The following CSMD2 variants were observed in gnomAD, a reference collection of about 807,000 sequenced individuals.
The protein encoded by CSMD2 is CUB and sushi domain-containing protein 2.
In CSMD2, 130 loss-of-function variants were observed where a neutral mutation model predicts 398.5. The observed-to-expected ratio is 0.33, with a 90% CI of 0.28 to 0.38. The LOEUF (loss-of-function observed/expected upper bound fraction) is 0.38. Among genes scored for constraint, CSMD2 ranks in the 10% least tolerant of loss-of-function variants. The pLI, the probability that CSMD2 is intolerant of heterozygous loss-of-function variation, is 1.00. For missense variants in CSMD2, 3,829 were observed against 4,764.9 expected, an observed-to-expected ratio of 0.80 and a Z score of 5.78; for synonymous variants, 1,828 against 1,908.5, an observed-to-expected ratio of 0.96 and a Z score of 1.10.
chr1:33,549,311 G>T lies in CSMD2; in HGVS notation c.8917+866C>A, dbSNP rs904954807. On this transcript the variant is annotated intron_variant, in intron 56 of 70. Coordinates refer to ENST00000373381, the MANE Select transcript of CSMD2 (RefSeq NM_001281956.2). The stretch of plus-strand genomic sequence containing the variant: ...CGGGTTAATTTCAATGCCAAGGTGG[G>T]CCCTCCGAGGAACATCAAGCTGCAC... Among the ~76,000 whole-genome samples, 18 of 152,136 alleles carry T rather than the reference G, an allele frequency of 1.2e-4. No homozygotes were observed. The East Asian group carries it at 1.4e-3, about 11-fold the overall frequency.
rs1280092922 is a variant in CSMD2 at position 33,725,407 on chromosome 1, G to A, written c.2637C>T (p.Tyr879=). ...GACTCTTGTCGGTAGAGAAGAGGAG[G>A]TAGAGGTAGTTGCTGGTGCTGATGA... The part of the protein sequence containing the change: ...QFLISTSNYL[Y]LLFSTDKSHS... Residue 879 remains tyrosine (Y), a synonymous_variant, in exon 17 of 71, where the codon TAC becomes TAT. Coordinates refer to ENST00000373381, the MANE Select transcript of CSMD2 (RefSeq NM_001281956.2). 1.2e-6 allele frequency: 2 copies of A among 1,614,034 alleles called. No individual in the cohort carries two copies. Among genetic ancestry groups the A allele is most frequent in the Non-Finnish European group, 1.7e-6 (2 of 1,180,010 alleles).
Position 33,709,165 on chromosome 1 carries a change from G to A in CSMD2, c.3500C>T (p.Ser1167Phe), listed in dbSNP as rs1645902467. The A allele has an allele frequency of 6.2e-7, 1 of 1,613,962 alleles. No individual in the cohort carries two copies. The highest frequency in any genetic ancestry group is 1.7e-5 in the Admixed American group (1 of 59,996). The change falls in exon 22 of 71, where the codon TCC (serine) becomes TTC (phenylalanine). Residue 1167 changes from serine to phenylalanine, a missense_variant. Physicochemically the swap from Ser to Phe is radical, Grantham distance 155. Coordinates refer to ENST00000373381, the MANE Select transcript of CSMD2 (RefSeq NM_001281956.2). The stretch of plus-strand genomic sequence containing the variant: ...TCCCTTCCCTGGCTGGGTCTGGATG[G>A]AGTAGATGCATTCATGATTGTTATT... ...NYNNNHECIYSIQTQPGKGIQ... is the reference protein window; with the variant it reads ...NYNNNHECIYFIQTQPGKGIQ...
intron 28 of CSMD2, among the ~76,000 whole-genome samples, chr1:33,647,654 T>C (rs1344464388): frequency 2.6e-5 from 4 of 152,004 alleles, no homozygotes; most frequent in African/African-American, 7.2e-5. Flanking sequence ...GAAAAAAGCC[T>C]CTATCAGAGC....
At chr1:33,657,690 T>C (rs1643991367) in intron 27 of CSMD2, among the ~76,000 whole-genome samples, 1 of 152,220 alleles carries the variant, frequency 6.6e-6, no homozygotes, top group Non-Finnish European at 1.5e-5. Context: ...GGGACAGACC[T>C]GTCTGACTTG....
chr1:33,778,684 C>A (rs1652313072), intron 12 of CSMD2, among the ~76,000 whole-genome samples: 1 of 152,190 alleles, frequency 6.6e-6, no homozygotes, highest in South Asian at 2.1e-4. Context: ...CATTGCCTGC[C>A]CCACGGCCCC....
Position 33,918,313 on chromosome 1 carries a change from G to A in CSMD2, c.713-12C>T. Reference sequence around the variant, plus strand: ...ACAGGCATCATCAGCTGTGGGCACAGAGAGAAGAGGCTTACATGAGTAGTC... The same window carrying A: ...ACAGGCATCATCAGCTGTGGGCACAAAGAGAAGAGGCTTACATGAGTAGTC... On this transcript the variant is annotated splice_polypyrimidine_tract_variant and intron_variant, in intron 4 of 70. Transcript: ENST00000373381. 1.9e-6 allele frequency: 3 copies of A among 1,612,622 alleles called. No homozygotes were observed. Among genetic ancestry groups the A allele is most frequent in the African/African-American group, 1.3e-5 (1 of 75,042 alleles).
At chr1:33,947,506 T>C (rs1202679829) in intron 3 of CSMD2, among the ~76,000 whole-genome samples, 2 of 152,258 alleles carry the variant, frequency 1.3e-5, no homozygotes, top group East Asian at 3.9e-4. Context: ...CTCACAGCCA[T>C]CTCTCTTAAG....
intron 55 of CSMD2, among the ~76,000 whole-genome samples, chr1:33,557,521 T>A (rs28712670): frequency 4.6e-5 from 7 of 151,612 alleles, no homozygotes; most frequent in African/African-American, 1.7e-4. Context: ...ACACAAAAAT[T>A]GGTATGGAAG....
intron 12 of CSMD2, among the ~76,000 whole-genome samples, chr1:33,788,370 T>C (rs1000242838): frequency 6.6e-6 from 1 of 152,052 alleles, no homozygotes; most frequent in Non-Finnish European, 1.5e-5. Context: ...TAGCCAGGCA[T>C]GTTGGTGTGC....
At position 33,626,519 on chromosome 1, in the gene CSMD2, C is replaced by A; in HGVS notation, c.5263G>T (p.Ala1755Ser). 2 of 1,608,866 alleles carry A rather than the reference C, an allele frequency of 1.2e-6. No individual in the cohort carries two copies. Among genetic ancestry groups the A allele is most frequent in the Non-Finnish European group, 1.7e-6 (2 of 1,178,036 alleles). ...VLIKFSAKGL[A>S]PARGFHFVYQ... ...ACAAAGTGGAAGCCTCTGGCTGGTG[C>A]GAGGCCTTTGGCGCTGAACTTAATG... The change falls in exon 33 of 71, where the codon GCA becomes TCA. Residue 1755 changes from alanine to serine, a missense_variant. Ala to Ser is a moderately conservative substitution (Grantham distance 99, BLOSUM62 1). Around this residue, in one of 5 missense-constraint regions of CSMD2, gnomAD observed 2,001 missense variants for 2,567.1 expected, o/e 0.78. Coordinates refer to ENST00000373381, the MANE Select transcript of CSMD2 (RefSeq NM_001281956.2).
intron 26 of CSMD2, among the ~76,000 whole-genome samples, chr1:33,660,162 C>T (rs1433417087): frequency 6.6e-6 from 1 of 152,192 alleles, no homozygotes; most frequent in South Asian, 2.1e-4. Context: ...TTGCTATTAA[C>T]TAGATGACCT....
chr1:33,716,553 CT>C, intron 19 of CSMD2, 52 bp from the exon 20 acceptor site: 2 of 1,250,838 alleles, frequency 1.6e-6, no homozygotes, highest in South Asian at 1.4e-5. Context: ...GCTGGAGAAC[CT>C]CAGCTGCAAG....
chr1:34,140,285 G>A (rs576865990), intron 1 of CSMD2, among the ~76,000 whole-genome samples: 3 of 111,120 alleles, frequency 2.7e-5, no homozygotes, highest in Non-Finnish European at 6.0e-5. Context: ...CAGAGGAATC[G>A]GCATATGCAA....
intron 5 of CSMD2, among the ~76,000 whole-genome samples, chr1:33,914,681 G>A (rs1033800691): frequency 2.0e-5 from 3 of 152,086 alleles, no homozygotes; most frequent in African/African-American, 7.2e-5. Flanking sequence ...AGGCTGGACC[G>A]GGACCAGCAA....
intron 21 of CSMD2, among the ~76,000 whole-genome samples, chr1:33,714,274 T>C (rs1646087581): frequency 6.6e-6 from 1 of 152,188 alleles, no homozygotes; most frequent in African/African-American, 2.4e-5. Flanking sequence ...TGGGTCTGTG[T>C]GCTGAGGGTG....
chr1:33,534,894 G>C (rs1655622925), intron 62 of CSMD2, among the ~76,000 whole-genome samples: 1 of 152,136 alleles, frequency 6.6e-6, no homozygotes, highest in Non-Finnish European at 1.5e-5. Flanking sequence ...TCCCGAACAA[G>C]CGTTCAGGAT....
chr1:33,743,279 C>T lies in CSMD2; in HGVS notation c.2173+1G>A, dbSNP rs1205920774. 6.3e-7 allele frequency: 1 copy of T among 1,593,250 alleles called. No homozygotes were observed. The highest frequency in any genetic ancestry group is 8.6e-7 in the Non-Finnish European group (1 of 1,167,548). The stretch of plus-strand genomic sequence containing the variant: ...CAGCTGGTGACAGAGGGAGGACTCA[C>T]TGGTAAAAGTGATGTTGAAGCCCCT... On this transcript the variant is annotated splice_donor_variant, in intron 14 of 70. Coordinates refer to ENST00000373381, the MANE Select transcript of CSMD2 (RefSeq NM_001281956.2). LOFTEE classifies it high-confidence loss of function.
At chr1:33,923,247 A>G (rs1465159218) in intron 4 of CSMD2, among the ~76,000 whole-genome samples, 2 of 152,114 alleles carry the variant, frequency 1.3e-5, no homozygotes, top group East Asian at 3.9e-4. Flanking sequence ...TGTGTGGGTC[A>G]TGGGGATGGA....
At chr1:33,854,888 G>A (rs1239030372) in intron 5 of CSMD2, among the ~76,000 whole-genome samples, 1 of 152,172 alleles carries the variant, frequency 6.6e-6, no homozygotes, top group South Asian at 2.1e-4. Flanking sequence ...TCACCAACAC[G>A]CTGGGTCTTG....
Sources: gnomAD v4.1 joint callset for allele counts (sites outside exome capture counted in the v4.1 genomes callset) on GRCh38, gnomAD v4.1.1 for gene constraint, gnomAD v4.1.1 regional missense constraint, MANE v1.5 for transcripts, NCBI Gene and HGNC (gene_info 2026-07-23, HGNC 2026-07-21) for gene names.